Variants in ADGRL1 observed in about 807,000 individuals in gnomAD.
ADGRL1 encodes CIRL-1.
Under a neutral mutation model 148.9 loss-of-function variants are expected in ADGRL1, and 31 were observed. The ratio of observed to expected loss-of-function variants is 0.21; its 90% confidence interval spans 0.16 to 0.28. The LOEUF (loss-of-function observed/expected upper bound fraction) is 0.28, where lower values mean the gene tolerates loss of function less well. Among genes scored for constraint, ADGRL1 ranks in the 10% least tolerant of loss-of-function variants. The pLI is 1.00. For missense variants in ADGRL1, 1,521 were observed against 2,058.8 expected (o/e 0.74, Z 5.05); for synonymous variants, 937 against 900.3 (o/e 1.04, Z -0.73).
intron 1 of ADGRL1, among the ~76,000 whole-genome samples, chr19:14,185,082 C>T (rs1399217914): frequency 6.6e-6 from 1 of 151,772 alleles, no homozygotes; most frequent in Non-Finnish European, 1.5e-5. Flanking sequence ...TGTGCCCAGT[C>T]CAGGACTCGG....
At chr19:14,175,505 C>T (rs1027434530) in intron 3 of ADGRL1, among the ~76,000 whole-genome samples, 1 of 151,440 alleles carries the variant, frequency 6.6e-6, no homozygotes, top group Non-Finnish European at 1.5e-5. Flanking sequence ...TACACTTAAA[C>T]ACACCCAAAT....
rs1969640241 is a variant in ADGRL1, at chr19:14,163,494, G to C, written c.395-88C>G. 6.1e-6 allele frequency: 6 copies of C among 985,540 alleles called. No homozygotes were observed. In the Admixed American group the frequency reaches 1.7e-4, roughly 28 times the overall value. The allele number at this position is 985,540 out of a possible 1,614,324, so 61.0% of individuals were successfully genotyped here. A position where few individuals can be genotyped will look rare whatever the true frequency, so the allele number is the denominator to read the frequency against. On this transcript the variant is annotated intron_variant, in intron 4 of 22. Transcript: ENST00000361434. The stretch of plus-strand genomic sequence containing the variant: ...AGAGAGAGAGAGAGAGAGAGAGAGA[G>C]AGAGGGGGGAGAGAGGCAAGTTGGT...
In ADGRL1 at chr19:14,159,756, T is replaced by C. The variant is rs766374455; in HGVS notation, c.1818A>G (p.Arg606=). The change falls in exon 9 of 23, where the codon AGA becomes AGG. Residue 606 remains arginine, a synonymous_variant. Coordinates refer to ENST00000361434, the MANE Select transcript of ADGRL1 (RefSeq NM_014921.5). The surrounding 1 kb of genome is among the most constrained non-coding windows in gnomAD (Gnocchi z 6.0). The part of the protein sequence containing the change: ...KNYNKMHKRE[R]TCKDYIKAVV... ...TCACCTTGATATAATCCTTACAAGT[T>C]CTCTCTCGCTTGTGCATCTAGAAAG... The C allele has an allele frequency of 3.1e-6, 5 of 1,613,954 alleles. No individual in the cohort carries two copies. Among genetic ancestry groups the C allele is most frequent in the Non-Finnish European group, 4.2e-6 (5 of 1,179,934 alleles).
At chr19:14,184,127 T>C (rs1302281049) in intron 1 of ADGRL1, among the ~76,000 whole-genome samples, 1 of 152,172 alleles carries the variant, frequency 6.6e-6, no homozygotes, top group South Asian at 2.1e-4. Flanking sequence ...CCTCCCCGTC[T>C]TGGGCAGAAA....
rs1049387187 is a variant in ADGRL1, at chr19:14,159,656, C to G, written c.1840-72G>C. ...AATTCCTGGGGGTGGGCTCTGCATG[C>G]CCTCTTCTCAACCTCCACCCCTAAT... On this transcript the variant is annotated intron_variant, in intron 9 of 22. Transcript: ENST00000361434. The surrounding 1 kb of genome is among the most constrained non-coding windows in gnomAD (Gnocchi z 6.0). The G allele has an allele frequency of 3.1e-6, 5 of 1,599,134 alleles. No homozygotes were observed. The Admixed American group carries it at 5.0e-5, about 16-fold the overall frequency.
chr19:14,156,591 G>A (rs1007808192), intron 16 of ADGRL1, 67 bp downstream of exon 16: 4 of 1,035,720 alleles, frequency 3.9e-6, no homozygotes, highest in Non-Finnish European at 4.0e-6. Flanking sequence ...GCGGGGGCAG[G>A]GGCTGGGGTC....
At chr19:14,158,648 C>A in intron 11 of ADGRL1, 96 bp from the exon 12 acceptor site, 1 of 985,016 alleles carries the variant, frequency 1.0e-6, no homozygotes, top group Non-Finnish European at 1.5e-6. Context: ...CTCCTCAGCC[C>A]TTGGCCACGC....
intron 12 of ADGRL1, 100 bp from the exon 13 acceptor site, chr19:14,158,152 A>G: frequency 2.2e-6 from 3 of 1,359,826 alleles, no homozygotes; most frequent in South Asian, 2.6e-5. Context: ...CCAAGTATCA[A>G]AGAAGTGCCT....
At chr19:14,199,922 C>G (rs1212683263) in intron 1 of ADGRL1, among the ~76,000 whole-genome samples, 2 of 151,626 alleles carry the variant, frequency 1.3e-5, no homozygotes, top group African/African-American at 4.9e-5. Flanking sequence ...TTAGTAGAGA[C>G]AGGGTTTCAC....
intron 1 of ADGRL1, among the ~76,000 whole-genome samples, chr19:14,187,043 C>T (rs952352471): frequency 6.6e-6 from 1 of 152,174 alleles, no homozygotes; most frequent in Non-Finnish European, 1.5e-5. Context: ...GAGGCCCTTA[C>T]AAATCAGCAC....
intron 1 of ADGRL1, among the ~76,000 whole-genome samples, chr19:14,204,002 G>A (rs1254587806): frequency 1.3e-5 from 2 of 152,164 alleles, no homozygotes; most frequent in Non-Finnish European, 2.9e-5. Context: ...ACCCACATGT[G>A]AGCGCACACG....
rs1967744908 is a variant in ADGRL1 at position 14,147,785 on chromosome 19, C to T, written c.*3088G>A. ...TTCTTTATTGTTTGACTTTTTGACTCAACAATTTTTTTAAAACTTTTTGTT... is the reference window on the plus strand; with the variant it reads ...TTCTTTATTGTTTGACTTTTTGACTTAACAATTTTTTTAAAACTTTTTGTT... On this transcript the variant is annotated 3_prime_UTR_variant, in exon 23 of 23. Transcript: ENST00000361434. 6.6e-6 allele frequency: 1 copy of T among 152,470 alleles called. No individual in the cohort carries two copies. The highest frequency in any genetic ancestry group is 2.4e-5 in the African/African-American group (1 of 41,450). 9.4% of individuals were successfully genotyped at this position (152,470 alleles called of 1,614,324 possible). A position where few individuals can be genotyped will look rare whatever the true frequency, so the allele number is the denominator to read the frequency against.
intron 3 of ADGRL1, among the ~76,000 whole-genome samples, chr19:14,176,056 A>G (rs964242929): frequency 6.8e-6 from 1 of 146,332 alleles, no homozygotes; most frequent in Non-Finnish European, 1.5e-5. Context: ...TCTGTCTCAA[A>G]AATAAACAAA....
chr19:14,155,395 G>C lies in ADGRL1; in HGVS notation c.3258C>G (p.Val1086=), dbSNP rs372070403. 48 of 1,614,024 alleles carry C rather than the reference G, an allele frequency of 3.0e-5. No individual in the cohort carries two copies. In the African/African-American group the frequency reaches 6.0e-4, roughly 20 times the overall value. The change falls in exon 18 of 23, where the codon GTC becomes GTG. Residue 1086 remains valine, a synonymous_variant. Coordinates refer to ENST00000361434, the MANE Select transcript of ADGRL1 (RefSeq NM_014921.5). The surrounding 1 kb of genome is among the most constrained non-coding windows in gnomAD (Gnocchi z 5.0). ...LFTTFNAFQG[V]FIFVFHCALQ... ...AGGCGCAGTGAAAGACGAAGATGAA[G>C]ACCCCCTGGAAGGCGTTGAAGGTGG...
In ADGRL1 at chr19:14,152,483, G is replaced by T. The variant is rs551201055; in HGVS notation, c.3520+34C>A. The T allele has an allele frequency of 6.2e-7, 1 of 1,611,868 alleles. No homozygotes were observed. Among genetic ancestry groups the T allele is most frequent in the African/African-American group, 1.3e-5 (1 of 74,996 alleles). Reference sequence around the variant, plus strand: ...CACAAGGCAGCCGGGAGCCTCCAGAGACTGAAGCCAGAGGCAGAAGGATGC... The same window carrying T: ...CACAAGGCAGCCGGGAGCCTCCAGATACTGAAGCCAGAGGCAGAAGGATGC... On this transcript the variant is annotated intron_variant, in intron 20 of 22. Coordinates refer to ENST00000361434, the MANE Select transcript of ADGRL1 (RefSeq NM_014921.5). The surrounding 1 kb of genome is among the most constrained non-coding windows in gnomAD (Gnocchi z 6.1).
chr19:14,159,562 T>C lies in ADGRL1; in HGVS notation c.1862A>G (p.Asn621Ser), dbSNP rs762311991. 2 of 1,601,486 alleles carry C rather than the reference T, an allele frequency of 1.2e-6. No individual in the cohort carries two copies. Among genetic ancestry groups the C allele is most frequent in the Non-Finnish European group, 1.7e-6 (2 of 1,170,826 alleles). ...CTCCAGAGCTTCTGGCCGGAGCAGA[T>C]TGTCCACTGTCTCCACCACGGCCTG... The part of the protein sequence containing the change: ...YIKAVVETVD[N>S]LLRPEALESW... The change falls in exon 10 of 23, where the codon AAT becomes AGT. Residue 621 changes from asparagine to serine, a missense_variant. Transcript: ENST00000361434. The surrounding 1 kb of genome is among the most constrained non-coding windows in gnomAD (Gnocchi z 6.0).
At position 14,155,508 on chromosome 19, in the gene ADGRL1, T is replaced by A. The variant is rs763688471; in HGVS notation, c.3145A>T (p.Ile1049Phe). The A allele has an allele frequency of 6.2e-7, 1 of 1,613,674 alleles. No individual in the cohort carries two copies. Among genetic ancestry groups the A allele is most frequent in the Non-Finnish European group, 8.5e-7 (1 of 1,179,868 alleles). ...DNIKSWALGAIALLFLLGLTW... is the reference protein window; with the variant it reads ...DNIKSWALGAFALLFLLGLTW... Reference sequence around the variant, plus strand: ...AGGCCCAGCAGGAACAGCAGCGCGATGGCCCCCAGCGCCCAGGATCTGGGA... The same window carrying A: ...AGGCCCAGCAGGAACAGCAGCGCGAAGGCCCCCAGCGCCCAGGATCTGGGA... Residue 1049 changes from isoleucine (I) to phenylalanine (F), a missense_variant, in exon 18 of 23, where the codon ATC (isoleucine) becomes TTC (phenylalanine). Physicochemically the swap from Ile to Phe is conservative, Grantham distance 21. This residue lies in a region of ADGRL1 where 185 missense variants were observed against 251.7 expected (regional missense o/e 0.74). Transcript: ENST00000361434. This position sits in a 1 kb window ranked among gnomAD's most constrained non-coding sequence, Gnocchi z 5.0.
intron 1 of ADGRL1, among the ~76,000 whole-genome samples, chr19:14,197,223 G>C (rs954218629): frequency 3.3e-5 from 5 of 152,058 alleles, no homozygotes; most frequent in African/African-American, 7.2e-5. Flanking sequence ...AGTGAGCTAT[G>C]ATCATGCCAC....
rs374599790 is a variant in ADGRL1, at chr19:14,159,594, C to T, written c.1840-10G>A. 1 of 1,594,006 alleles carries T rather than the reference C, an allele frequency of 6.3e-7. No individual in the cohort carries two copies. The highest frequency in any genetic ancestry group is 8.6e-7 in the Non-Finnish European group (1 of 1,165,994). On this transcript the variant is annotated splice_polypyrimidine_tract_variant and intron_variant, in intron 9 of 22. Coordinates refer to ENST00000361434, the MANE Select transcript of ADGRL1 (RefSeq NM_014921.5). This position sits in a 1 kb window ranked among gnomAD's most constrained non-coding sequence, Gnocchi z 6.0. ...CTGTCTCCACCACGGCCTGCACAGG[C>T]AGAGGGCATGGTGCTGTGAGCCCCC...
Sources: gnomAD v4.1 joint callset for allele counts (sites outside exome capture counted in the v4.1 genomes callset) on GRCh38, gnomAD v4.1.1 for gene constraint, gnomAD v4.1.1 regional missense constraint, Gnocchi (gnomAD v3.1) non-coding constraint, MANE v1.5 for transcripts, NCBI Gene and HGNC (gene_info 2026-07-23, HGNC 2026-07-21) for gene names.